AGO2: variants seen among roughly 807,000 people sequenced by gnomAD.
The protein encoded by AGO2 is argonaute RISC catalytic component 2.
In AGO2, 5 loss-of-function variants were observed where a neutral mutation model predicts 102.3. That is an observed-to-expected ratio of 0.05 (90% CI 0.03 to 0.10). AGO2 has a LOEUF of 0.10. AGO2 is among the 10% of genes least tolerant of loss of function. AGO2 has a pLI of 1.00. For missense variants in AGO2, 541 were observed against 1,183.7 expected (o/e 0.46, Z 7.97); for synonymous variants, 449 against 473.1 (o/e 0.95, Z 0.66).
intron 1 of AGO2, among the ~76,000 whole-genome samples, chr8:140,611,105 A>T (rs1013757692): frequency 6.6e-6 from 1 of 152,182 alleles, no homozygotes; most frequent in Non-Finnish European, 1.5e-5. Context: ...CCCCAGGGCC[A>T]GAGCGGCTTG....
intron 1 of AGO2, among the ~76,000 whole-genome samples, chr8:140,618,006 C>CAA (rs530736260): frequency 7.5e-6 from 1 of 133,002 alleles, no homozygotes; most frequent in Non-Finnish European, 1.6e-5. Context: ...AGACCGTCTA[C>CAA]AAAAAAAAAA....
intron 1 of AGO2, among the ~76,000 whole-genome samples, chr8:140,610,202 T>C (rs939900137): frequency 7.2e-5 from 11 of 151,784 alleles, no homozygotes; most frequent in African/African-American, 2.7e-4. Flanking sequence ...AGATCCTGTC[T>C]CAAGAAACAA....
intron 14 of AGO2, among the ~76,000 whole-genome samples, chr8:140,543,373 G>A (rs1042576403): frequency 1.3e-5 from 2 of 152,170 alleles, no homozygotes; most frequent in East Asian, 1.9e-4. Flanking sequence ...TTCCACCTGG[G>A]GCAGCTCGAA....
chr8:140,552,459 C>T (rs970808780), intron 10 of AGO2, among the ~76,000 whole-genome samples: 12 of 152,134 alleles, frequency 7.9e-5, no homozygotes, highest in East Asian at 1.9e-4. Flanking sequence ...CTAAAGGATG[C>T]GGCTGTGCCT....
chr8:140,576,898 G>A (rs183744342), intron 2 of AGO2, among the ~76,000 whole-genome samples: 238 of 152,184 alleles, frequency 1.6e-3, no homozygotes, highest in Middle Eastern at 6.8e-3. Context: ...CACGCAACAC[G>A]ACGGGTGTCT....
In AGO2 at chr8:140,545,396, C is replaced by T. The variant is rs571593702; in HGVS notation, c.1749-1093G>A. Among the ~76,000 whole-genome samples, 9 of 152,284 alleles carry T rather than the reference C, an allele frequency of 5.9e-5. No homozygotes were observed. In the South Asian group the frequency reaches 1.0e-3, roughly 18 times the overall value. The stretch of plus-strand genomic sequence containing the variant: ...CCCTTGGTGCCTAGGGCCCTGCGGC[C>T]GGCCTCCCTGCCCCAGCCTCTCCCA... On this transcript the variant is annotated intron_variant, in intron 13 of 18. Coordinates refer to ENST00000220592, the MANE Select transcript of AGO2 (RefSeq NM_012154.5).
At chr8:140,588,338 G>A (rs998316247) in intron 1 of AGO2, among the ~76,000 whole-genome samples, 3 of 152,140 alleles carry the variant, frequency 2.0e-5, no homozygotes, top group Admixed American at 6.5e-5. Flanking sequence ...CCACAATAAA[G>A]CAGGTCACAC....
intron 6 of AGO2, among the ~76,000 whole-genome samples, chr8:140,558,982 AC>A (rs1002383333): frequency 4.0e-5 from 6 of 150,348 alleles, no homozygotes; most frequent in East Asian, 2.0e-4. Context: ...TAAGTCCTAG[AC>A]CCCCCCCAAT....
In AGO2 at chr8:140,539,916, A is replaced by G. The variant is rs951072648; in HGVS notation, c.2035-462T>C. Among the ~76,000 whole-genome samples the G allele has an allele frequency of 1.3e-5, 2 of 152,090 alleles. No homozygotes were observed. Among genetic ancestry groups the G allele is most frequent in the Non-Finnish European group, 2.9e-5 (2 of 67,998 alleles). ...ATCCTGGCCAACATGGTGAAACCCCATTTCTACTAAAAATACAAAAATTAA... is the reference window on the plus strand; with the variant it reads ...ATCCTGGCCAACATGGTGAAACCCCGTTTCTACTAAAAATACAAAAATTAA... On this transcript the variant is annotated intron_variant, in intron 15 of 18. Coordinates refer to ENST00000220592, the MANE Select transcript of AGO2 (RefSeq NM_012154.5). This position sits in a 1 kb window ranked among gnomAD's most constrained non-coding sequence, Gnocchi z 4.7.
At chr8:140,594,746 C>A (rs1032952736) in intron 1 of AGO2, among the ~76,000 whole-genome samples, 1 of 151,586 alleles carries the variant, frequency 6.6e-6, no homozygotes, top group Non-Finnish European at 1.5e-5. Flanking sequence ...GAGGTCAAGG[C>A]TGCAGTGATC....
chr8:140,538,290 T>C (rs941388060), intron 16 of AGO2, among the ~76,000 whole-genome samples: 32 of 152,210 alleles, frequency 2.1e-4, no homozygotes, highest in African/African-American at 7.7e-4. Flanking sequence ...AAGTAGATGA[T>C]AACCCTCTGC....
chr8:140,585,933 T>C (rs1224560361), intron 1 of AGO2, among the ~76,000 whole-genome samples: 1 of 152,250 alleles, frequency 6.6e-6, no homozygotes, highest in Non-Finnish European at 1.5e-5. Flanking sequence ...GTTCTTACTG[T>C]ATTTCTGACC....
At chr8:140,624,177 C>T (rs565967949) in intron 1 of AGO2, among the ~76,000 whole-genome samples, 1 of 152,152 alleles carries the variant, frequency 6.6e-6, no homozygotes, top group Non-Finnish European at 1.5e-5. Context: ...TCCGAAGAGC[C>T]CCCACCCAGC....
At chr8:140,543,043 G>A (rs868476459) in intron 14 of AGO2, among the ~76,000 whole-genome samples, 4 of 152,090 alleles carry the variant, frequency 2.6e-5, no homozygotes, top group Non-Finnish European at 1.5e-5. Context: ...AGGCTGAGGT[G>A]GGAGAATTGC....
rs777295780 is a variant in AGO2, at chr8:140,558,485, G to A, written c.878C>T (p.Thr293Ile). 3 of 1,614,224 alleles carry A rather than the reference G, an allele frequency of 1.9e-6. No homozygotes were observed. Among genetic ancestry groups the A allele is most frequent in the Non-Finnish European group, 2.5e-6 (3 of 1,180,032 alleles). Residue 293 changes from threonine (T) to isoleucine (I), a missense_variant and splice_region_variant, in exon 7 of 19, where the codon ACA becomes ATA. Thr to Ile is a moderately conservative substitution (Grantham distance 89, BLOSUM62 -1). This residue lies in a region of AGO2 where 38 missense variants were observed against 68.1 expected (regional missense o/e 0.56). Transcript: ENST00000220592. ...NVTRRPASHQ[T>I]FPLQQESGQT... ...GAGTCTGAAAGGAAGGGCGTGTTAC[G>A]TTTGGTGACTGGCGGGCCGCCGGGT... is the stretch of plus-strand genomic sequence containing the variant.
intron 1 of AGO2, among the ~76,000 whole-genome samples, chr8:140,590,225 C>T (rs1231480302): frequency 6.6e-6 from 1 of 152,284 alleles, no homozygotes; most frequent in Non-Finnish European, 1.5e-5. Flanking sequence ...TGCGTTCTAC[C>T]CCCTCCCCCC....
At chr8:140,598,809 C>T (rs2073887151) in intron 1 of AGO2, among the ~76,000 whole-genome samples, 1 of 152,200 alleles carries the variant, frequency 6.6e-6, no homozygotes, top group Non-Finnish European at 1.5e-5. Context: ...TACAGCAGAC[C>T]CACCTCTTCT....
intron 1 of AGO2, among the ~76,000 whole-genome samples, chr8:140,608,844 GA>G (rs2074039115): frequency 6.6e-6 from 1 of 152,188 alleles, no homozygotes; most frequent in Non-Finnish European, 1.5e-5. Flanking sequence ...GTAATGTCTG[GA>G]TACCTGAATC....
chr8:140,538,515 C>T (rs2072737117), intron 16 of AGO2, among the ~76,000 whole-genome samples: 1 of 152,234 alleles, frequency 6.6e-6, no homozygotes, highest in African/African-American at 2.4e-5. Context: ...ATTCTCAGCT[C>T]TTCTATCTAC....
Sources: allele counts gnomAD v4.1 joint callset (sites outside exome capture counted in the v4.1 genomes callset), GRCh38; gene constraint gnomAD v4.1.1; regional missense constraint gnomAD v4.1.1; non-coding constraint Gnocchi (gnomAD v3.1); transcripts MANE v1.5; gene names NCBI Gene and HGNC (gene_info 2026-07-23, HGNC 2026-07-21).